The following OR3A2 variants were observed in gnomAD, a reference collection of about 807,000 sequenced individuals.
OR3A2 encodes the protein olfactory receptor 3A2.
For synonymous variants in OR3A2, 126 were observed against 159.3 expected (o/e 0.79, Z 1.57); for missense variants, 318 against 392.8 (o/e 0.81, Z 1.61).
In OR3A2 at chr17:3,361,404, A is replaced by G. The variant is rs377291839; in HGVS notation, c.-179+22400T>C. Among the ~76,000 whole-genome samples the G allele has an allele frequency of 1.4e-4, 21 of 151,602 alleles. 1 individual carries two copies. Among genetic ancestry groups the G allele is most frequent in the African/African-American group, 4.9e-4 (20 of 40,990 alleles). ...CTCTTTTCCTAACTGAATGTGCTTT[A>G]TTTCTTTCTCTTACCTGATTGCCCT... On this transcript the variant is annotated intron_variant, in intron 2 of 4. Transcript: ENST00000573491.
intron 2 of OR3A2, among the ~76,000 whole-genome samples, chr17:3,371,804 G>T (rs1416843327): frequency 1.4e-5 from 2 of 138,978 alleles, no homozygotes; most frequent in African/African-American, 5.6e-5. Context: ...CCTGGCCGGG[G>T]CGGCTGGCCG....
At chr17:3,310,209 C>G in intron 3 of OR3A2, 3 of 438,234 alleles carry the variant, frequency 6.8e-6, no homozygotes, top group Non-Finnish European at 1.4e-5. Flanking sequence ...CTGGACATTG[C>G]TATCAAGATC....
chr17:3,340,531 T>G (rs1016525398), intron 2 of OR3A2, among the ~76,000 whole-genome samples: 8 of 152,252 alleles, frequency 5.3e-5, no homozygotes, highest in Non-Finnish European at 1.2e-4. Context: ...ATTTATCCAG[T>G]AGTCATTCAG....
Position 3,294,959 on chromosome 17 carries a change from G to GT in OR3A2, c.-84-15807dup, listed in dbSNP as rs947246146. On this transcript the variant is annotated intron_variant, in intron 3 of 4. Coordinates refer to the OR3A2 transcript ENST00000573491. ...CAGACTTCAGAGTTTTGTTTTGTTT[G>GT]TTTTTTTTAACAGAAGCTTTTTTAA... Among the ~76,000 whole-genome samples, 48 of 151,698 alleles carry GT rather than the reference G, an allele frequency of 3.2e-4. 1 individual carries two copies. The South Asian group carries it at 5.4e-3, about 17-fold the overall frequency.
At position 3,373,813 on chromosome 17, in the gene OR3A2, G is replaced by A. The variant is rs376876564; in HGVS notation, c.-179+9991C>T. 6.6e-5 allele frequency among the ~76,000 whole-genome samples: 10 copies of A among 152,278 alleles called. No homozygotes were observed. In the East Asian group the frequency reaches 1.2e-3, roughly 18 times the overall value. On this transcript the variant is annotated intron_variant, in intron 2 of 4. Transcript: ENST00000573491. ...ACATTCAATGTTAATACTGAGATGT[G>A]AGGTAGTGTTCTGTTCATCATGCTC...
At chr17:3,277,341 A>C (rs200715874) in exon 2 of OR3A2, 1 of 152,276 alleles carries the variant, frequency 6.6e-6, no homozygotes, top group East Asian at 1.9e-4. Context: ...TTTTTTAAAA[A>C]ACTTTTTAAC....
chr17:3,356,552 A>G (rs1481696827), intron 2 of OR3A2, among the ~76,000 whole-genome samples: 4 of 151,538 alleles, frequency 2.6e-5, no homozygotes, highest in African/African-American at 9.8e-5. Context: ...AGATCAAACC[A>G]TGAAGAAATC....
chr17:3,310,137 A>G, intron 3 of OR3A2: 1 of 347,896 alleles, frequency 2.9e-6, no homozygotes, highest in Non-Finnish European at 5.7e-6. Flanking sequence ...TTTTCATACT[A>G]CATCTAAATC....
rs531482615 is a variant in OR3A2, at chr17:3,332,899, C to G, written c.-85+3134G>C. On this transcript the variant is annotated intron_variant, in intron 3 of 4. Coordinates refer to the OR3A2 transcript ENST00000573491. ...CACCTCAGGACCACTATTGTACAAA[C>G]TGATTGTAAAACGTGTGTTTGAACA... Among the ~76,000 whole-genome samples the G allele has an allele frequency of 5.1e-3, 773 of 152,258 alleles. 4 individuals carry two copies. The highest frequency in any genetic ancestry group is 0.018 in the African/African-American group (737 of 41,544).
chr17:3,359,875 A>G (rs1383696641), intron 2 of OR3A2, among the ~76,000 whole-genome samples: 2 of 151,790 alleles, frequency 1.3e-5, no homozygotes, highest in African/African-American at 4.9e-5. Flanking sequence ...GTGCCGCAAT[A>G]AACATATGTG....
At chr17:3,334,290 C>G (rs939971645) in intron 3 of OR3A2, among the ~76,000 whole-genome samples, 2 of 152,168 alleles carry the variant, frequency 1.3e-5, no homozygotes, top group Non-Finnish European at 2.9e-5. Flanking sequence ...GTTTTCTCTT[C>G]ATCCCCTGCC....
At chr17:3,285,476 A>G (rs1227753935), upstream of OR3A2, among the ~76,000 whole-genome samples, 3 of 152,136 alleles carry the variant, frequency 2.0e-5, no homozygotes, top group Non-Finnish European at 4.4e-5. Context: ...ATTTATCTAC[A>G]TATGAATTGA....
At chr17:3,348,526 T>G (rs150641632) in intron 2 of OR3A2, among the ~76,000 whole-genome samples, 22,989 of 152,042 alleles carry the variant, frequency 0.15, 2,306 homozygotes, top group African/African-American at 0.28. Context: ...AATATGGGAC[T>G]ATGTGAAAAG....
intron 3 of OR3A2, among the ~76,000 whole-genome samples, chr17:3,299,192 G>C (rs2048943649): frequency 6.6e-6 from 1 of 152,182 alleles, no homozygotes; most frequent in Non-Finnish European, 1.5e-5. Flanking sequence ...TAAGTATCCA[G>C]ACAGAGCGTT....
At chr17:3,375,235 T>TC (rs1555530622) in intron 2 of OR3A2, among the ~76,000 whole-genome samples, 1 of 77,616 alleles carries the variant, frequency 1.3e-5, no homozygotes, top group Non-Finnish European at 2.3e-5. Context: ...TTTTTCTTTT[T>TC]TTTTTTTTTT....
At position 3,311,766 on chromosome 17, in the gene OR3A2, C is replaced by A; in HGVS notation, c.-85+24267G>T. On this transcript the variant is annotated intron_variant, in intron 3 of 4. Transcript: ENST00000573491. This position sits in a 1 kb window ranked among gnomAD's most constrained non-coding sequence, Gnocchi z 4.6. ...GAATCTTTTATGGAACTGGCTTCTT[C>A]AGTTACATGTGTCTGGGCTCAGTCT... The A allele has an allele frequency of 4.2e-6, 1 of 235,760 alleles. No homozygotes were observed. The highest frequency in any genetic ancestry group is 7.0e-5 in the South Asian group (1 of 14,210). The allele number at this position is 235,760 out of a possible 1,614,324, so 14.6% of individuals were successfully genotyped here.
intron 2 of OR3A2, among the ~76,000 whole-genome samples, chr17:3,348,601 A>C (rs537119229): frequency 2.5e-4 from 38 of 152,294 alleles, no homozygotes; most frequent in African/African-American, 8.9e-4. Flanking sequence ...GTTGGAAAAC[A>C]CTCTGCAGGA....
rs951153308 is a variant in OR3A2, at chr17:3,386,266, T to G, written c.-416A>C. Reference sequence around the variant, plus strand: ...CGTGGCTCTGGGCATCACCGAGAGCTACCTCCTGGCGGCCATGTCCTACGA... The same window carrying G: ...CGTGGCTCTGGGCATCACCGAGAGCGACCTCCTGGCGGCCATGTCCTACGA... On this transcript the variant is annotated 5_prime_UTR_variant, in exon 1 of 5. It removes the in-frame stop codon of an upstream open reading frame in the 5' UTR. Coordinates refer to the OR3A2 transcript ENST00000573491. 1.3e-5 allele frequency: 5 copies of G among 398,650 alleles called. No homozygotes were observed. Among genetic ancestry groups the G allele is most frequent in the African/African-American group, 6.2e-5 (3 of 48,636 alleles). The allele number at this position is 398,650 out of a possible 1,614,324, so 24.7% of individuals were successfully genotyped here.
At chr17:3,323,651 A>G (rs930548250) in intron 3 of OR3A2, among the ~76,000 whole-genome samples, 21 of 152,104 alleles carry the variant, frequency 1.4e-4, no homozygotes, top group Non-Finnish European at 2.8e-4. Context: ...TTCTGGGTTG[A>G]AAATTCTTTT....
Sources: gnomAD v4.1 joint callset for allele counts (sites outside exome capture counted in the v4.1 genomes callset) on GRCh38, gnomAD v4.1.1 for gene constraint, Gnocchi (gnomAD v3.1) non-coding constraint, MANE v1.5 for transcripts, NCBI Gene and HGNC (gene_info 2026-07-23, HGNC 2026-07-21) for gene names.